OXTR: variants seen among roughly 807,000 people sequenced by gnomAD.
OXTR encodes the protein oxytocin receptor.
In OXTR, 19 loss-of-function variants were observed where a neutral mutation model predicts 23.9. The observed-to-expected ratio is 0.80, with a 90% confidence interval of 0.56 to 1.17. The LOEUF (loss-of-function observed/expected upper bound fraction) is 1.17, where lower values mean the gene tolerates loss of function less well. OXTR is among the 50% of genes most tolerant of loss of function. OXTR has a pLI of 0.00. For missense variants in OXTR, 500 were observed against 550.7 expected (o/e 0.91, Z 0.92); for synonymous variants, 278 against 250.5 (o/e 1.11, Z -1.04).
intron 3 of OXTR, among the ~76,000 whole-genome samples, chr3:8,756,792 C>A (rs1457801703): frequency 6.6e-6 from 1 of 152,212 alleles, no homozygotes; most frequent in Non-Finnish European, 1.5e-5. Flanking sequence ...AAAGGCCAGG[C>A]CCCATGCCTT....
chr3:8,766,824 T>C (rs1297670504), intron 3 of OXTR, among the ~76,000 whole-genome samples: 1 of 152,196 alleles, frequency 6.6e-6, no homozygotes, highest in Non-Finnish European at 1.5e-5. Flanking sequence ...GAAGTTCATC[T>C]TAACGTGAAC....
chr3:8,746,013 C>G (rs1339682997), downstream of OXTR: 11 of 650,668 alleles, frequency 1.7e-5, no homozygotes, highest in Non-Finnish European at 5.2e-6. Context: ...TGTAGGGAAG[C>G]CAGAAAGAAA....
chr3:8,746,563 C>G (rs1041257027), downstream of OXTR: 1 of 152,082 alleles, frequency 6.6e-6, no homozygotes, highest in Non-Finnish European at 1.5e-5. Flanking sequence ...GGGCAGTGAC[C>G]CTTCCAGGGT....
intron 3 of OXTR, among the ~76,000 whole-genome samples, chr3:8,767,050 C>G (rs1324069732): frequency 1.3e-5 from 2 of 152,148 alleles, no homozygotes; most frequent in Admixed American, 1.3e-4. Context: ...GTACTTTTAT[C>G]CTTATTGCCA....
In OXTR at chr3:8,752,856, G is replaced by T; in HGVS notation, c.*121C>A. The T allele has an allele frequency of 9.1e-7, 1 of 1,100,990 alleles. No individual in the cohort carries two copies. The highest frequency in any genetic ancestry group is 1.3e-6 in the Non-Finnish European group (1 of 792,930). The allele number at this position is 1,100,990 out of a possible 1,614,324, so 68.2% of individuals were successfully genotyped here. On this transcript the variant is annotated 3_prime_UTR_variant, in exon 4 of 4. Coordinates refer to ENST00000316793, the MANE Select transcript of OXTR (RefSeq NM_000916.4). ...TCCACCCCACTGAAGCCACCCCAAG[G>T]AGGGGAGGGATACAAACTGATAGGT...
At chr3:8,757,543 G>A (rs571948165) in intron 3 of OXTR, among the ~76,000 whole-genome samples, 2 of 152,236 alleles carry the variant, frequency 1.3e-5, no homozygotes, top group African/African-American at 4.8e-5. Flanking sequence ...TTCTACCAGC[G>A]ACCTAGAAAT....
rs188324533 is a variant in OXTR, at chr3:8,751,538, C to G, written c.*1439G>C. 1 of 151,606 alleles carries G rather than the reference C, an allele frequency of 6.6e-6. No homozygotes were observed. Among genetic ancestry groups the G allele is most frequent in the Admixed American group, 6.6e-5 (1 of 15,186 alleles). 9.4% of individuals were successfully genotyped at this position (151,606 alleles called of 1,614,324 possible). ...AGCTCTTATATTTAGATCTTGGATG[C>G]GTTTTGAGTTGATTTTTGCACATAG... On this transcript the variant is annotated 3_prime_UTR_variant, in exon 4 of 4. Coordinates refer to ENST00000316793, the MANE Select transcript of OXTR (RefSeq NM_000916.4).
At position 8,767,668 on chromosome 3, in the gene OXTR, T is replaced by C. The variant is rs2125007599; in HGVS notation, c.520A>G (p.Ile174Val). The C allele has an allele frequency of 6.2e-7, 1 of 1,612,050 alleles. No homozygotes were observed. The highest frequency in any genetic ancestry group is 8.5e-7 in the Non-Finnish European group (1 of 1,179,258). Residue 174 changes from isoleucine (I) to valine (V), a missense_variant, in exon 3 of 4, where the codon ATC becomes GTC. By Grantham distance (29) the Ile-to-Val change is conservative. Coordinates refer to ENST00000316793, the MANE Select transcript of OXTR (RefSeq NM_000916.4). ...CLVASAPQVHIFSLREVADGV... is the reference protein window; with the variant it reads ...CLVASAPQVHVFSLREVADGV... ...TCAGCCACCTCGCGCAGAGAGAAGATGTGCACCTGCGGCGCGCTGGCCACC... is the reference window on the plus strand; with the variant it reads ...TCAGCCACCTCGCGCAGAGAGAAGACGTGCACCTGCGGCGCGCTGGCCACC...
At chr3:8,753,731 G>A (rs1363145687) in intron 3 of OXTR, among the ~76,000 whole-genome samples, 5 of 152,150 alleles carry the variant, frequency 3.3e-5, no homozygotes, top group Admixed American at 6.5e-5. Context: ...AACCTCTGGG[G>A]ACTGCTGCAA....
At position 8,750,511 on chromosome 3, in the gene OXTR, A is replaced by AC. The variant is rs1467477355; in HGVS notation, c.*2465dup. 1 of 152,112 alleles carries AC rather than the reference A, an allele frequency of 6.6e-6. No homozygotes were observed. Among genetic ancestry groups the AC allele is most frequent in the Admixed American group, 6.6e-5 (1 of 15,266 alleles). The allele number at this position is 152,112 out of a possible 1,614,324, so 9.4% of individuals were successfully genotyped here. A position where few individuals can be genotyped will look rare whatever the true frequency, so the allele number is the denominator to read the frequency against. The stretch of plus-strand genomic sequence containing the variant: ...AACATTTTCATCACCCGAAAAAGAA[A>AC]CCCCAAACCCTTAGTAGTCATGCCT... On this transcript the variant is annotated 3_prime_UTR_variant, in exon 4 of 4. Coordinates refer to ENST00000316793, the MANE Select transcript of OXTR (RefSeq NM_000916.4).
Position 8,753,038 on chromosome 3 carries a change from G to A in OXTR, c.1109C>T (p.Ser370Phe), listed in dbSNP as rs1559664690. The A allele has an allele frequency of 1.9e-6, 3 of 1,614,146 alleles. No homozygotes were observed. Among genetic ancestry groups the A allele is most frequent in the Non-Finnish European group, 2.5e-6 (3 of 1,180,010 alleles). Reference protein sequence around the residue: ...TSASKKSNSSSFVLSHRSSSQ... With the variant: ...TSASKKSNSSFFVLSHRSSSQ... ...GGAGCTGCGATGGCTCAGGACAAAG[G>A]AGGACGAGTTGCTCTTTTTGCTGGC... Residue 370 changes from serine to phenylalanine, a missense_variant, in exon 4 of 4, where the codon TCC becomes TTC. By Grantham distance (155) the Ser-to-Phe change is radical (BLOSUM62 -2). Transcript: ENST00000316793.
the OXTR span, among the ~76,000 whole-genome samples, chr3:8,743,609 T>C: frequency 2.0e-5 from 3 of 151,932 alleles, no homozygotes; most frequent in Non-Finnish European, 2.9e-5. Context: ...CAGCCCAGAG[T>C]CTCACCCTGT....
chr3:8,760,779 G>T (rs907596302), intron 3 of OXTR, among the ~76,000 whole-genome samples: 3 of 152,216 alleles, frequency 2.0e-5, no homozygotes, highest in African/African-American at 7.2e-5. Context: ...TAGCAAAGGT[G>T]CAAAGACAGC....
chr3:8,753,131 T>C lies in OXTR; in HGVS notation c.1016A>G (p.Glu339Gly). The change falls in exon 4 of 4, where the codon GAA (glutamate) becomes GGA (glycine). Residue 339 changes from glutamate to glycine, a missense_variant. By Grantham distance (98) the Glu-to-Gly change is moderately conservative (BLOSUM62 -2). Coordinates refer to ENST00000316793, the MANE Select transcript of OXTR (RefSeq NM_000916.4). ...GCAGCACAGGAAGCGCTGCACGAGT[T>C]CGTGGAAGAGGTGGCCCGTGAACAG... The part of the protein sequence containing the change: ...YMLFTGHLFH[E>G]LVQRFLCCSA... 1 of 1,614,082 alleles carries C rather than the reference T, an allele frequency of 6.2e-7. No homozygotes were observed. The highest frequency in any genetic ancestry group is 8.5e-7 in the Non-Finnish European group (1 of 1,180,014).
At chr3:8,764,193 C>G (rs1169396834) in intron 3 of OXTR, among the ~76,000 whole-genome samples, 1 of 141,554 alleles carries the variant, frequency 7.1e-6, no homozygotes, top group Non-Finnish European at 1.5e-5. Flanking sequence ...TCCCCACCCA[C>G]TCTGGCAGCC....
At position 8,761,603 on chromosome 3, in the gene OXTR, G is replaced by T. The variant is rs1474890668; in HGVS notation, c.922+5663C>A. ...CTTACTCAGCAGTGATCGTGGGCAG[G>T]TCACACCTCTCTAAGCCTCAGTTTC... On this transcript the variant is annotated intron_variant, in intron 3 of 3. Coordinates refer to ENST00000316793, the MANE Select transcript of OXTR (RefSeq NM_000916.4). 2.0e-5 allele frequency among the ~76,000 whole-genome samples: 3 copies of T among 152,272 alleles called. No homozygotes were observed. The South Asian group carries it at 6.2e-4, about 32-fold the overall frequency.
At chr3:8,745,954 A>C (rs1053698731), downstream of OXTR, 2 of 1,108,684 alleles carry the variant, frequency 1.8e-6, no homozygotes, top group Admixed American at 1.9e-5. The surrounding 1 kb of genome is among the most constrained non-coding windows in gnomAD (Gnocchi z 4.8). Context: ...GCTGCTGGCG[A>C]GCTCTTTCTC....
chr3:8,756,600 C>G (rs1708378373), intron 3 of OXTR, among the ~76,000 whole-genome samples: 1 of 152,210 alleles, frequency 6.6e-6, no homozygotes, highest in South Asian at 2.1e-4. Context: ...CCACCACTGA[C>G]AGTAAGCAGT....
At position 8,767,628 on chromosome 3, in the gene OXTR, CA is replaced by C. The variant is rs752598034; in HGVS notation, c.559del (p.Cys187AlafsTer20). The C allele has an allele frequency of 1.1e-5, 17 of 1,613,080 alleles. No homozygotes were observed. Among genetic ancestry groups the C allele is most frequent in the Non-Finnish European group, 1.4e-5 (16 of 1,179,696 alleles). ...CCAGGGCTGGATGAAGACGGCCCAG[CA>C]GTCGAAGACGCCGTCAGCCACCTCG... is the stretch of plus-strand genomic sequence containing the variant. ...LREVADGVFD[C>X]WAVFIQPWGP... On this transcript the variant is annotated frameshift_variant, in exon 3 of 4. Transcript: ENST00000316793. LOFTEE classifies it high-confidence loss of function.
Sources: allele counts gnomAD v4.1 joint callset (sites outside exome capture counted in the v4.1 genomes callset), GRCh38; gene constraint gnomAD v4.1.1; non-coding constraint Gnocchi (gnomAD v3.1); transcripts MANE v1.5; gene names NCBI Gene and HGNC (gene_info 2026-07-23, HGNC 2026-07-21).